The following PPIG variants were observed in gnomAD, a reference collection of about 807,000 sequenced individuals.
PPIG encodes peptidylprolyl isomerase G.
Under a neutral mutation model 87.9 loss-of-function variants are expected in PPIG, and 26 were observed. The observed-to-expected ratio is 0.30, with a 90% confidence interval of 0.22 to 0.41. The LOEUF is 0.41. Ranked by LOEUF, PPIG falls within the 10% of genes least tolerant of loss-of-function variation. The pLI, the probability that PPIG is intolerant of heterozygous loss-of-function variation, is 1.00. For synonymous variants in PPIG, 308 were observed against 276.5 expected (o/e 1.11, Z -1.13); for missense variants, 722 against 879.4 (o/e 0.82, Z 2.26).
chr2:169,628,627 A>G lies in PPIG; in HGVS notation c.548-2147A>G, dbSNP rs532334783. ...GGAGTTTGAGGCCAGCCTGTGCAAC[A>G]TAGCAAGACCCCATCTTCATAAATA... is the stretch of plus-strand genomic sequence containing the variant. On this transcript the variant is annotated intron_variant, in intron 9 of 13. Transcript: ENST00000260970. Among the ~76,000 whole-genome samples, 4 of 152,256 alleles carry G rather than the reference A, an allele frequency of 2.6e-5. 1 individual carries two copies. In the South Asian group the frequency reaches 8.3e-4, roughly 32 times the overall value.
intron 12 of PPIG, chr2:169,633,496 C>T: frequency 1.9e-6 from 1 of 531,876 alleles, no homozygotes; most frequent in South Asian, 2.8e-5. Flanking sequence ...TTTCTTGTCT[C>T]CCGTGTTTCT....
intron 12 of PPIG, among the ~76,000 whole-genome samples, chr2:169,635,535 TC>T (rs1469640131): frequency 2.0e-5 from 3 of 152,202 alleles, no homozygotes; most frequent in African/African-American, 7.2e-5. Context: ...GAATATGAGT[TC>T]CAGGAAAGCA....
rs958853394 is a variant in PPIG, at chr2:169,621,554, A to C, written c.547+6830A>C. ...TAATATTCTACAAATGCAATTATTT[A>C]CATTAAAAAATACTAAAAATAAAAA... On this transcript the variant is annotated intron_variant, in intron 9 of 13. Transcript: ENST00000260970. Among the ~76,000 whole-genome samples the C allele has an allele frequency of 3.3e-5, 5 of 152,140 alleles. No homozygotes were observed. The East Asian group carries it at 9.6e-4, about 29-fold the overall frequency.
At chr2:169,587,993 G>A (rs1034896217) in intron 1 of PPIG, among the ~76,000 whole-genome samples, 8 of 151,914 alleles carry the variant, frequency 5.3e-5, no homozygotes, top group African/African-American at 9.7e-5. Context: ...CCGTCTCTCC[G>A]TTTCTACTTA....
intron 9 of PPIG, among the ~76,000 whole-genome samples, chr2:169,623,247 C>T (rs955887009): frequency 3.3e-5 from 5 of 152,164 alleles, no homozygotes; most frequent in Non-Finnish European, 7.3e-5. Flanking sequence ...AGACCAGTAC[C>T]TTGATTAAGA....
At chr2:169,624,898 G>C (rs370041464) in intron 9 of PPIG, among the ~76,000 whole-genome samples, 3 of 152,206 alleles carry the variant, frequency 2.0e-5, no homozygotes, top group African/African-American at 7.2e-5. Flanking sequence ...CCGGAAGTAG[G>C]TTTTTTGAAG....
rs1013731185 is a variant in PPIG, at chr2:169,630,662, A to G, written c.548-112A>G. On this transcript the variant is annotated intron_variant, in intron 9 of 13. Transcript: ENST00000260970. ...TGTACTTCCCAGTTCACATAGCTGG[A>G]TGATCTAAGTGCTAAATACTGAACT... 1.4e-5 allele frequency: 12 copies of G among 873,626 alleles called. No homozygotes were observed. In the African/African-American group the frequency reaches 1.7e-4, roughly 12 times the overall value. The allele number at this position is 873,626 out of a possible 1,614,324, so 54.1% of individuals were successfully genotyped here. A position where few individuals can be genotyped will look rare whatever the true frequency, so the allele number is the denominator to read the frequency against.
At position 169,617,272 on chromosome 2, in the gene PPIG, A is replaced by G. The variant is rs1685631166; in HGVS notation, c.547+2548A>G. Among the ~76,000 whole-genome samples the G allele has an allele frequency of 3.3e-5, 5 of 152,326 alleles. No homozygotes were observed. The South Asian group carries it at 1.0e-3, about 32-fold the overall frequency. On this transcript the variant is annotated intron_variant, in intron 9 of 13. Transcript: ENST00000260970. The stretch of plus-strand genomic sequence containing the variant: ...GTTTTGGTTACTGTAGCCTTGCAGT[A>G]TAGTTTGAAGTCAGGTAGTATGATG...
intron 11 of PPIG, among the ~76,000 whole-genome samples, chr2:169,632,167 A>G (rs536662408): frequency 2.0e-5 from 3 of 152,206 alleles, no homozygotes; most frequent in Non-Finnish European, 2.9e-5. Context: ...CACTAATACA[A>G]AAAAGAGATG....
At chr2:169,628,777 A>G (rs1685960583) in intron 9 of PPIG, among the ~76,000 whole-genome samples, 1 of 151,942 alleles carries the variant, frequency 6.6e-6, no homozygotes. Flanking sequence ...TTGTCTCTAC[A>G]AAAATAAAAA....
intron 9 of PPIG, among the ~76,000 whole-genome samples, chr2:169,624,161 C>T (rs1029448807): frequency 6.6e-6 from 1 of 152,108 alleles, no homozygotes; most frequent in Non-Finnish European, 1.5e-5. Context: ...GAGACAAGGT[C>T]TCGCTATGTT....
intron 9 of PPIG, among the ~76,000 whole-genome samples, chr2:169,614,962 A>G (rs1685575444): frequency 6.6e-6 from 1 of 152,130 alleles, no homozygotes; most frequent in Non-Finnish European, 1.5e-5. Context: ...AAATTGAGCT[A>G]ATTAACATTT....
intron 12 of PPIG, among the ~76,000 whole-genome samples, chr2:169,634,798 T>C (rs904792204): frequency 3.3e-5 from 5 of 152,228 alleles, no homozygotes; most frequent in Non-Finnish European, 1.5e-5. Context: ...CCATGTTAAT[T>C]CAACTCCATC....
chr2:169,601,370 T>C (rs1423880743), intron 1 of PPIG, among the ~76,000 whole-genome samples: 1 of 152,212 alleles, frequency 6.6e-6, no homozygotes, highest in Non-Finnish European at 1.5e-5. Flanking sequence ...GACTGAAAAT[T>C]CAGGTTTATC....
intron 7 of PPIG, among the ~76,000 whole-genome samples, chr2:169,611,643 T>C (rs544406022): frequency 2.6e-5 from 4 of 152,330 alleles, no homozygotes; most frequent in African/African-American, 7.2e-5. Flanking sequence ...ACCAGTAGTA[T>C]GTAAATGCTA....
At chr2:169,632,060 G>A (rs1239440155) in intron 11 of PPIG, 127 bp downstream of exon 11, 2 of 1,237,506 alleles carry the variant, frequency 1.6e-6, no homozygotes, top group East Asian at 2.7e-5. Context: ...TTTATAAAAT[G>A]TTCTTCCGCA....
chr2:169,636,011 G>A, intron 12 of PPIG, 81 bp from the exon 13 acceptor site: 1 of 1,093,888 alleles, frequency 9.1e-7, no homozygotes, highest in South Asian at 2.0e-5. Flanking sequence ...CCTCACCCCA[G>A]TACTTCCCTC....
intron 1 of PPIG, among the ~76,000 whole-genome samples, chr2:169,593,410 G>T (rs1050119487): frequency 5.9e-5 from 9 of 151,602 alleles, no homozygotes; most frequent in Non-Finnish European, 1.3e-4. Context: ...TGGTCAGGCT[G>T]GTCATGAACT....
intron 9 of PPIG, among the ~76,000 whole-genome samples, chr2:169,621,538 A>G (rs1685751338): frequency 6.6e-6 from 1 of 152,116 alleles, no homozygotes; most frequent in Non-Finnish European, 1.5e-5. Flanking sequence ...GTAATATTCT[A>G]CAAATGCAAT....
Sources: allele counts gnomAD v4.1 joint callset (sites outside exome capture counted in the v4.1 genomes callset), GRCh38; gene constraint gnomAD v4.1.1; transcripts MANE v1.5; gene names NCBI Gene and HGNC (gene_info 2026-07-23, HGNC 2026-07-21).